Variants in CD86 observed in about 807,000 individuals in gnomAD.
CD86 encodes T-lymphocyte activation antigen CD86.
Under a neutral mutation model 32.1 loss-of-function variants are expected in CD86, and 11 were observed. That is an observed-to-expected ratio of 0.34 (90% confidence interval 0.22 to 0.57). CD86 has a LOEUF of 0.57. Ranked by LOEUF, CD86 falls within the 20% of genes least tolerant of loss-of-function variation. The pLI is 0.86. For synonymous variants in CD86, 137 were observed against 135.3 expected (o/e 1.01, Z -0.09); for missense variants, 359 against 398.4 (o/e 0.90, Z 0.84).
chr3:122,097,590 C>T (rs2072927767), intron 2 of CD86, among the ~76,000 whole-genome samples: 1 of 152,016 alleles, frequency 6.6e-6, no homozygotes. Context: ...ATTGAAGAAG[C>T]CCCAAATGAA....
intron 1 of CD86, among the ~76,000 whole-genome samples, chr3:122,061,054 A>G (rs115869255): frequency 0.011 from 1,624 of 152,356 alleles, 35 homozygotes; most frequent in African/African-American, 0.038. Context: ...CTAATGTCAC[A>G]GCTCTATATT....
At position 122,120,942 on chromosome 3, in the gene CD86, G is replaced by T. The variant is rs1403861643; in HGVS notation, c.*1408G>T. 6.6e-6 allele frequency: 1 copy of T among 152,186 alleles called. No homozygotes were observed. Among genetic ancestry groups the T allele is most frequent in the Non-Finnish European group, 1.5e-5 (1 of 68,042 alleles). The allele number at this position is 152,186 out of a possible 1,614,324, so 9.4% of individuals were successfully genotyped here. A position where few individuals can be genotyped will look rare whatever the true frequency, so the allele number is the denominator to read the frequency against. On this transcript the variant is annotated 3_prime_UTR_variant, in exon 7 of 7. Transcript: ENST00000330540. ...TGCCCAAACATAAAGAGAACTCTGGGGAGCCTGAGCCACAAAAATGTTCCT... is the reference window on the plus strand; with the variant it reads ...TGCCCAAACATAAAGAGAACTCTGGTGAGCCTGAGCCACAAAAATGTTCCT...
rs2072679227 is a variant in CD86, at chr3:122,084,160, T to C, written c.15-7441T>C. Reference sequence around the variant, plus strand: ...CGCCACTATGCCCAGCTAATTTTTGTATTTTTAGTAGAGACGGGGTTTCCC... The same window carrying C: ...CGCCACTATGCCCAGCTAATTTTTGCATTTTTAGTAGAGACGGGGTTTCCC... On this transcript the variant is annotated intron_variant, in intron 1 of 6. Coordinates refer to ENST00000330540, the MANE Select transcript of CD86 (RefSeq NM_175862.5). Among the ~76,000 whole-genome samples the C allele has an allele frequency of 2.0e-5, 3 of 152,360 alleles. No homozygotes were observed. In the South Asian group the frequency reaches 6.2e-4, roughly 32 times the overall value.
At chr3:122,114,759 T>G (rs2073225136) in intron 5 of CD86, among the ~76,000 whole-genome samples, 1 of 151,988 alleles carries the variant, frequency 6.6e-6, no homozygotes. Context: ...GAAAAAAACA[T>G]ATGATCATGT....
intron 5 of CD86, among the ~76,000 whole-genome samples, chr3:122,115,017 C>T (rs1218111091): frequency 1.3e-5 from 2 of 151,960 alleles, no homozygotes; most frequent in Non-Finnish European, 2.9e-5. Context: ...GAGGTCATAG[C>T]CAGAGAAACA....
chr3:122,106,472 G>C lies in CD86; in HGVS notation c.675G>C (p.Thr225=). 1 of 1,611,012 alleles carries C rather than the reference G, an allele frequency of 6.2e-7. No homozygotes were observed. Among genetic ancestry groups the C allele is most frequent in the Non-Finnish European group, 8.5e-7 (1 of 1,178,146 alleles). Residue 225 remains threonine (T), a synonymous_variant, in exon 4 of 7, where the codon ACG becomes ACC. Coordinates refer to ENST00000330540, the MANE Select transcript of CD86 (RefSeq NM_175862.5). ...TIFCILETDK[T]RLLSSPFSIE... ...TCTGTATTCTGGAAACTGACAAGAC[G>C]CGGCTTTTATCTTCACCTTTCTCTA... is the stretch of plus-strand genomic sequence containing the variant.
At chr3:122,061,102 T>C (rs1553750176) in intron 1 of CD86, among the ~76,000 whole-genome samples, 3 of 152,000 alleles carry the variant, frequency 2.0e-5, no homozygotes, top group Non-Finnish European at 4.4e-5. Flanking sequence ...AAACATCAAG[T>C]AAAAATAAAA....
At chr3:122,099,417 A>G (rs1312099922) in intron 2 of CD86, among the ~76,000 whole-genome samples, 1 of 152,214 alleles carries the variant, frequency 6.6e-6, no homozygotes, top group Non-Finnish European at 1.5e-5. Flanking sequence ...AAGAGAAACT[A>G]AAAGCAGTAG....
chr3:122,115,829 T>C (rs933796902), intron 5 of CD86, among the ~76,000 whole-genome samples: 2 of 149,970 alleles, frequency 1.3e-5, no homozygotes, highest in Admixed American at 6.6e-5. Flanking sequence ...ATTAATACAG[T>C]GTGATATTGG....
chr3:122,076,656 C>G (rs572026416), intron 1 of CD86, among the ~76,000 whole-genome samples: 3 of 152,114 alleles, frequency 2.0e-5, no homozygotes, highest in Non-Finnish European at 2.9e-5. Context: ...GTTTACAGAC[C>G]TCTGTAGTGA....
At chr3:122,102,392 C>T (rs746702522) in intron 2 of CD86, among the ~76,000 whole-genome samples, 124 of 151,278 alleles carry the variant, frequency 8.2e-4, no homozygotes, top group Non-Finnish European at 1.3e-3. Context: ...GCACTTCTCA[C>T]CCACCACTGC....
At chr3:122,065,829 T>G (rs2072405173) in intron 1 of CD86, among the ~76,000 whole-genome samples, 1 of 151,874 alleles carries the variant, frequency 6.6e-6, no homozygotes. Flanking sequence ...CTCCAAGATC[T>G]CTGGGTGTTG....
chr3:122,078,150 G>A, intron 1 of CD86: 1 of 633,358 alleles, frequency 1.6e-6, no homozygotes, highest in Non-Finnish European at 2.0e-6. Context: ...CAGAGAATGA[G>A]TAAAAGGGAT....
chr3:122,103,407 A>G, intron 2 of CD86, 105 bp from the exon 3 acceptor site: 1 of 728,022 alleles, frequency 1.4e-6, no homozygotes, highest in Non-Finnish European at 2.3e-6. Flanking sequence ...ATTCTTCAGC[A>G]TGATTACTGA....
rs114097969 is a variant in CD86 at position 122,074,434 on chromosome 3, A to G, written c.15-17167A>G. 7.2e-3 allele frequency among the ~76,000 whole-genome samples: 1,101 copies of G among 152,324 alleles called. 16 individuals carry two copies. The highest frequency in any genetic ancestry group is 0.022 in the African/African-American group (928 of 41,560). ...TCCCCCTTGCATCAAGAAAGCTTAG[A>G]AAACAAACACTAATTAACGTTTCAA... is the stretch of plus-strand genomic sequence containing the variant. On this transcript the variant is annotated intron_variant, in intron 1 of 6. Coordinates refer to ENST00000330540, the MANE Select transcript of CD86 (RefSeq NM_175862.5).
At chr3:122,085,189 T>C (rs2072696871) in intron 1 of CD86, among the ~76,000 whole-genome samples, 1 of 152,234 alleles carries the variant, frequency 6.6e-6, no homozygotes, top group African/African-American at 2.4e-5. Flanking sequence ...GTAATAACTG[T>C]ATCAATATTA....
intron 1 of CD86, among the ~76,000 whole-genome samples, chr3:122,078,737 T>C (rs2072588868): frequency 6.6e-6 from 1 of 152,240 alleles, no homozygotes. Flanking sequence ...ATCATCTCTA[T>C]TAATAGCAAT....
chr3:122,096,393 T>C (rs1165595962), intron 2 of CD86, among the ~76,000 whole-genome samples: 1 of 152,208 alleles, frequency 6.6e-6, no homozygotes, highest in Non-Finnish European at 1.5e-5. Flanking sequence ...TTTCTTGTAC[T>C]TTTTGATGTT....
intron 1 of CD86, among the ~76,000 whole-genome samples, chr3:122,079,968 G>A (rs1351306910): frequency 6.6e-6 from 1 of 152,120 alleles, no homozygotes; most frequent in Non-Finnish European, 1.5e-5. Flanking sequence ...GCTAGCATTT[G>A]CATTTTAACA....
Sources: gnomAD v4.1 joint callset for allele counts (sites outside exome capture counted in the v4.1 genomes callset) on GRCh38, gnomAD v4.1.1 for gene constraint, MANE v1.5 for transcripts, NCBI Gene and HGNC (gene_info 2026-07-23, HGNC 2026-07-21) for gene names.